The following SLC8A1 variants were observed in gnomAD, a reference collection of about 807,000 sequenced individuals.
The protein encoded by SLC8A1 is solute carrier family 8 member A1.
In SLC8A1, 18 loss-of-function variants were observed where a neutral mutation model predicts 68.3. That is an observed-to-expected ratio of 0.26 (90% CI 0.18 to 0.39). SLC8A1 has a LOEUF of 0.39. SLC8A1 is among the 10% of genes least tolerant of loss of function. The pLI, the probability that SLC8A1 is intolerant of heterozygous loss-of-function variation, is 1.00. For missense variants in SLC8A1, 985 were observed against 1,156.7 expected, an observed-to-expected ratio of 0.85 and a Z score of 2.15; for synonymous variants, 475 against 415.5, an observed-to-expected ratio of 1.14 and a Z score of -1.74.
intron 2 of SLC8A1, among the ~76,000 whole-genome samples, chr2:40,191,458 A>T (rs2051826112): frequency 6.6e-6 from 1 of 152,242 alleles, no homozygotes; most frequent in Non-Finnish European, 1.5e-5. Context: ...CTTGCAATTT[A>T]AAGCTTAAAA....
At chr2:40,473,272 T>C (rs1437404393) in intron 1 of SLC8A1, among the ~76,000 whole-genome samples, 3 of 152,150 alleles carry the variant, frequency 2.0e-5, no homozygotes, top group Non-Finnish European at 2.9e-5. Context: ...TAAACTTATT[T>C]GGTATGATTC....
chr2:40,189,790 G>A lies in SLC8A1; in HGVS notation c.1809-11935C>T, dbSNP rs556097495. 10 of 152,284 alleles carry A rather than the reference G, an allele frequency of 6.6e-5. No individual in the cohort carries two copies. In the South Asian group the frequency reaches 1.9e-3, roughly 28 times the overall value. 9.4% of individuals were successfully genotyped at this position (152,284 alleles called of 1,614,324 possible). On this transcript the variant is annotated intron_variant, in intron 2 of 7. Coordinates refer to ENST00000406785, the Ensembl canonical transcript of SLC8A1. Reference sequence around the variant, plus strand: ...GAATTTTTGATGTTCTTCTATGGATGAGCTACTTGGGCTTAGCTCTTTTAG... The same window carrying A: ...GAATTTTTGATGTTCTTCTATGGATAAGCTACTTGGGCTTAGCTCTTTTAG...
intron 2 of SLC8A1, among the ~76,000 whole-genome samples, chr2:40,387,504 T>G (rs1683932091): frequency 6.6e-6 from 1 of 151,136 alleles, no homozygotes; most frequent in Non-Finnish European, 1.5e-5. Context: ...TACCTAAGAG[T>G]ACCTTGATTA....
At chr2:40,237,556 T>C (rs558085175) in intron 2 of SLC8A1, among the ~76,000 whole-genome samples, 18,756 of 151,574 alleles carry the variant, frequency 0.12, 1,213 homozygotes, top group Non-Finnish European at 0.14. Flanking sequence ...TTGAATGTCC[T>C]CCCGTAGCTC....
intron 2 of SLC8A1, among the ~76,000 whole-genome samples, chr2:40,375,254 A>G (rs147077049): frequency 3.5e-4 from 53 of 152,236 alleles, no homozygotes; most frequent in African/African-American, 1.3e-3. Flanking sequence ...ATAAACACAG[A>G]TATTAGTACC....
chr2:40,452,345 T>A (rs1377092369), upstream of SLC8A1, among the ~76,000 whole-genome samples: 2 of 151,950 alleles, frequency 1.3e-5, no homozygotes, highest in Non-Finnish European at 2.9e-5. Flanking sequence ...ACCGAGCGGG[T>A]GGGGAGCCCT....
chr2:40,159,307 T>C (rs1332143677), intron 6 of SLC8A1, among the ~76,000 whole-genome samples: 1 of 152,244 alleles, frequency 6.6e-6, no homozygotes, highest in Non-Finnish European at 1.5e-5. Context: ...TTCGCTGTCA[T>C]GTGCCTTGCA....
At position 40,433,775 on chromosome 2, in the gene SLC8A1, T is replaced by G. The variant is rs141388602; in HGVS notation, c.-24-3471A>C. 4.5e-3 allele frequency among the ~76,000 whole-genome samples: 679 copies of G among 152,310 alleles called. 3 individuals carry two copies. Among genetic ancestry groups the G allele is most frequent in the Non-Finnish European group, 6.3e-3 (431 of 68,018 alleles). The stretch of plus-strand genomic sequence containing the variant: ...ACTAACTGCTCCATTATATCATCCC[T>G]GATAGTGTGTGAAGTAATCTTTGAG... On this transcript the variant is annotated intron_variant, in intron 1 of 7. Transcript: ENST00000406785.
chr2:40,338,216 T>C (rs995198733), intron 2 of SLC8A1, among the ~76,000 whole-genome samples: 2 of 152,110 alleles, frequency 1.3e-5, no homozygotes, highest in South Asian at 2.1e-4. Flanking sequence ...ACAGAGATCT[T>C]CAAGGATTCA....
intron 1 of SLC8A1, among the ~76,000 whole-genome samples, chr2:40,502,086 G>T (rs1269462132): frequency 6.6e-6 from 1 of 152,014 alleles, no homozygotes; most frequent in East Asian, 1.9e-4. Flanking sequence ...GTTCCATTTG[G>T]TTCTTTCTAG....
intron 1 of SLC8A1, among the ~76,000 whole-genome samples, chr2:40,506,935 C>T (rs536433507): frequency 1.3e-5 from 2 of 151,534 alleles, no homozygotes; most frequent in Admixed American, 1.3e-4. Context: ...TTCCCTTTTA[C>T]AAAAGTACAA....
intron 2 of SLC8A1, among the ~76,000 whole-genome samples, chr2:40,224,025 C>T (rs1430432239): frequency 2.0e-5 from 3 of 151,996 alleles, no homozygotes; most frequent in African/African-American, 7.2e-5. Context: ...GATGTGGGCC[C>T]AGCATGGTAT....
intron 1 of SLC8A1, among the ~76,000 whole-genome samples, chr2:40,464,120 C>T (rs1333179312): frequency 6.6e-6 from 1 of 152,054 alleles, no homozygotes; most frequent in African/African-American, 2.4e-5. Context: ...GTCTTGAACT[C>T]CTGACTTCAG....
intron 2 of SLC8A1, among the ~76,000 whole-genome samples, chr2:40,192,505 A>G (rs384511): frequency 0.12 from 17,881 of 152,134 alleles, 1,190 homozygotes; most frequent in Middle Eastern, 0.21. Flanking sequence ...AACTTTAATC[A>G]TGGTACAATT....
intron 1 of SLC8A1, among the ~76,000 whole-genome samples, chr2:40,493,264 A>T (rs931455484): frequency 6.7e-6 from 1 of 148,952 alleles, no homozygotes; most frequent in Admixed American, 6.8e-5. Flanking sequence ...CAAACACCGC[A>T]TATTCTCACT....
At chr2:40,161,480 C>G (rs1050994215) in intron 5 of SLC8A1, among the ~76,000 whole-genome samples, 2 of 152,138 alleles carry the variant, frequency 1.3e-5, no homozygotes. Flanking sequence ...AAGAAAAGTT[C>G]AGTTCTTATG....
intron 2 of SLC8A1, among the ~76,000 whole-genome samples, chr2:40,286,126 T>C (rs561322931): frequency 6.6e-5 from 10 of 152,294 alleles, no homozygotes; most frequent in African/African-American, 1.2e-4. Context: ...TAGTAGCTAA[T>C]AGATGTCTGT....
chr2:40,424,717 C>T (rs2149763429), intron 2 of SLC8A1, among the ~76,000 whole-genome samples: 1 of 151,906 alleles, frequency 6.6e-6, no homozygotes, highest in East Asian at 1.9e-4. Context: ...AGTAAATAAT[C>T]TAACTTGCAT....
intron 2 of SLC8A1, among the ~76,000 whole-genome samples, chr2:40,363,752 G>A (rs1207627727): frequency 1.3e-5 from 2 of 152,018 alleles, no homozygotes; most frequent in Admixed American, 6.6e-5. Flanking sequence ...TTAATAACCA[G>A]TTGTTATGAG....
Sources: gnomAD v4.1 joint callset for allele counts (sites outside exome capture counted in the v4.1 genomes callset) on GRCh38, gnomAD v4.1.1 for gene constraint, MANE v1.5 for transcripts, NCBI Gene and HGNC (gene_info 2026-07-23, HGNC 2026-07-21) for gene names.